The following NEK7 variants were observed in gnomAD, a reference collection of about 807,000 sequenced individuals.
NEK7 encodes NIMA related kinase 7, also known as serine/threonine-protein kinase Nek7.
In NEK7, 18 loss-of-function variants were observed where a neutral mutation model predicts 44.6. The observed-to-expected ratio is 0.40, with a 90% CI of 0.28 to 0.60. The LOEUF (loss-of-function observed/expected upper bound fraction) is 0.60, where lower values mean the gene tolerates loss of function less well. Among genes scored for constraint, NEK7 ranks in the 20% least tolerant of loss-of-function variants. The probability of loss-of-function intolerance (pLI) is 0.38; values close to 1 mark genes in which losing one functional copy is unlikely to be tolerated. For synonymous variants in NEK7, 130 were observed against 121.1 expected (o/e 1.07, Z -0.48); for missense variants, 256 against 366.5 (o/e 0.70, Z 2.46).
chr1:198,288,990 C>T (rs1458072473), intron 7 of NEK7, among the ~76,000 whole-genome samples: 1 of 152,150 alleles, frequency 6.6e-6, no homozygotes, highest in Non-Finnish European at 1.5e-5. Context: ...ATCTCCTACT[C>T]AGCCATTCTA....
At chr1:198,184,387 G>A (rs1008207203) in intron 1 of NEK7, among the ~76,000 whole-genome samples, 7 of 152,014 alleles carry the variant, frequency 4.6e-5, no homozygotes, top group Non-Finnish European at 8.8e-5. Flanking sequence ...ACTTCCTGTC[G>A]ATCTGTTTGA....
In NEK7 at chr1:198,268,527, G is replaced by A. The variant is rs114605612; in HGVS notation, c.372+4292G>A. 5.0e-3 allele frequency among the ~76,000 whole-genome samples: 758 copies of A among 152,092 alleles called. 11 individuals carry two copies. Among genetic ancestry groups the A allele is most frequent in the African/African-American group, 0.017 (721 of 41,492 alleles). ...CTATCGTCTCTCATTTGGAGAGAGC[G>A]AGAGCTTTTTGTCTCCCAACATCCA... is the stretch of plus-strand genomic sequence containing the variant. On this transcript the variant is annotated intron_variant, in intron 5 of 9. Transcript: ENST00000367385.
intron 2 of NEK7, among the ~76,000 whole-genome samples, chr1:198,249,398 A>G (rs1167228237): frequency 1.3e-5 from 2 of 151,994 alleles, no homozygotes; most frequent in Non-Finnish European, 2.9e-5. Flanking sequence ...TCCTTTGGGT[A>G]TATACCCAGT....
At chr1:198,192,175 G>A (rs1665098955) in intron 1 of NEK7, among the ~76,000 whole-genome samples, 1 of 151,168 alleles carries the variant, frequency 6.6e-6, no homozygotes, top group South Asian at 2.1e-4. Context: ...ATTTACTGAT[G>A]TAAAATTTTT....
At chr1:198,249,116 T>TA (rs1315395809) in intron 2 of NEK7, among the ~76,000 whole-genome samples, 1 of 142,478 alleles carries the variant, frequency 7.0e-6, no homozygotes, top group Non-Finnish European at 1.5e-5. Context: ...GTTCAATTCC[T>TA]ACCTGTGAGT....
intron 1 of NEK7, among the ~76,000 whole-genome samples, chr1:198,231,212 T>C (rs73078799): frequency 0.028 from 4,239 of 149,300 alleles, 188 homozygotes; most frequent in African/African-American, 0.094. Flanking sequence ...TAGTGTACTA[T>C]TGTTGTTAGT....
At chr1:198,222,312 G>T (rs1666094856) in intron 1 of NEK7, among the ~76,000 whole-genome samples, 1 of 151,890 alleles carries the variant, frequency 6.6e-6, no homozygotes, top group Admixed American at 6.6e-5. Flanking sequence ...AAAGCTTTAG[G>T]TGATAAACAA....
intron 1 of NEK7, among the ~76,000 whole-genome samples, chr1:198,209,636 A>G (rs1665706153): frequency 6.6e-6 from 1 of 151,984 alleles, no homozygotes. Context: ...TAAAACATTT[A>G]ATTTTTCTTT....
intron 2 of NEK7, among the ~76,000 whole-genome samples, chr1:198,235,685 C>A (rs1666528629): frequency 6.6e-6 from 1 of 152,076 alleles, no homozygotes; most frequent in Admixed American, 6.6e-5. Context: ...GGTAGAGTCA[C>A]ATTTTTTTCC....
Position 198,203,388 on chromosome 1 carries a change from A to G in NEK7, c.-28-29165A>G, listed in dbSNP as rs578031839. Among the ~76,000 whole-genome samples, 5 of 152,346 alleles carry G rather than the reference A, an allele frequency of 3.3e-5. No homozygotes were observed. The South Asian group carries it at 1.0e-3, about 32-fold the overall frequency. ...GATTTTGAATGAATTTCTTACTTAC[A>G]TGGACTTGCTTCTGGTTGCACCCCC... On this transcript the variant is annotated intron_variant, in intron 1 of 9. Transcript: ENST00000367385.
At chr1:198,189,344 G>T (rs954534722) in intron 1 of NEK7, among the ~76,000 whole-genome samples, 7 of 152,128 alleles carry the variant, frequency 4.6e-5, no homozygotes, top group African/African-American at 7.2e-5. Context: ...GCACAATTGA[G>T]AGAAAAAGTT....
At chr1:198,261,870 C>G (rs1653485178) in intron 3 of NEK7, among the ~76,000 whole-genome samples, 1 of 151,838 alleles carries the variant, frequency 6.6e-6, no homozygotes, top group South Asian at 2.1e-4. Context: ...TTCCTAATTA[C>G]CTCTACCCAT....
At chr1:198,250,487 C>G (rs1203915822) in intron 2 of NEK7, among the ~76,000 whole-genome samples, 3 of 151,000 alleles carry the variant, frequency 2.0e-5, no homozygotes, top group Non-Finnish European at 4.4e-5. Context: ...GCCATTTTCA[C>G]GATATTGATT....
At chr1:198,184,972 C>G (rs1664875528) in intron 1 of NEK7, among the ~76,000 whole-genome samples, 1 of 152,040 alleles carries the variant, frequency 6.6e-6, no homozygotes, top group Non-Finnish European at 1.5e-5. Context: ...GGATCCCCAA[C>G]AAAATATTTT....
intron 9 of NEK7, among the ~76,000 whole-genome samples, chr1:198,318,658 TCATAAA>T (rs1406692230): frequency 6.6e-6 from 1 of 152,322 alleles, no homozygotes; most frequent in East Asian, 1.9e-4. Context: ...ACACATAGTT[TCATAAA>T]CTGATGGAAA....
intron 2 of NEK7, among the ~76,000 whole-genome samples, chr1:198,244,430 T>C (rs1243976416): frequency 1.3e-5 from 2 of 152,126 alleles, no homozygotes. Context: ...ATTAAGAAAT[T>C]AATTTAGTCC....
chr1:198,174,320 C>G (rs143855778), intron 1 of NEK7, among the ~76,000 whole-genome samples: 1 of 151,136 alleles, frequency 6.6e-6, no homozygotes, highest in Non-Finnish European at 1.5e-5. Flanking sequence ...TCCTTCCTTT[C>G]TTAATTTTAC....
chr1:198,238,474 ACCCC>A (rs386638304), intron 2 of NEK7, among the ~76,000 whole-genome samples: 20,873 of 151,976 alleles, frequency 0.14, 2,071 homozygotes, highest in East Asian at 0.57. Context: ...TGAAAATTTA[ACCCC>A]TGACCCACTC....
chr1:198,296,283 G>C (rs1042459419), intron 8 of NEK7, among the ~76,000 whole-genome samples: 1 of 152,172 alleles, frequency 6.6e-6, no homozygotes, highest in Admixed American at 6.5e-5. Flanking sequence ...TTGTATTCTT[G>C]CTGCTGTGGT....
Sources: gnomAD v4.1 joint callset for allele counts (sites outside exome capture counted in the v4.1 genomes callset) on GRCh38, gnomAD v4.1.1 for gene constraint, MANE v1.5 for transcripts, NCBI Gene and HGNC (gene_info 2026-07-23, HGNC 2026-07-21) for gene names.